Variants in SORBS2 observed in about 807,000 individuals in gnomAD.
SORBS2 encodes sorbin and SH3 domain-containing protein 2.
In SORBS2, 46 loss-of-function variants were observed where a neutral mutation model predicts 97.7. The observed-to-expected ratio is 0.47, with a 90% CI of 0.37 to 0.60. The LOEUF (loss-of-function observed/expected upper bound fraction) is 0.60. Among genes scored for constraint, SORBS2 ranks in the 20% least tolerant of loss-of-function variants. The pLI is 0.00. For synonymous variants in SORBS2, 476 were observed against 473.4 expected, an observed-to-expected ratio of 1.01 and a Z score of -0.07; for missense variants, 1,316 against 1,282.3, an observed-to-expected ratio of 1.03 and a Z score of -0.40.
chr4:185,654,134 A>G (rs6848934), intron 1 of SORBS2, among the ~76,000 whole-genome samples: 125,376 of 152,112 alleles, frequency 0.82, 51,756 homozygotes, highest in Admixed American at 0.88. Flanking sequence ...TGACTTCGTT[A>G]TGAGTCAGCT....
intron 1 of SORBS2, among the ~76,000 whole-genome samples, chr4:185,940,688 C>T (rs1480057949): frequency 6.6e-6 from 1 of 152,250 alleles, no homozygotes; most frequent in African/African-American, 2.4e-5. Context: ...AAGCTGGCTA[C>T]ACCAACTTGT....
chr4:185,711,608 C>T (rs1015994169), intron 2 of SORBS2, among the ~76,000 whole-genome samples: 3 of 152,108 alleles, frequency 2.0e-5, no homozygotes, highest in Non-Finnish European at 4.4e-5. Context: ...CATCTTTTTG[C>T]ATTATTTTCT....
Position 185,678,600 on chromosome 4 carries a change from ATT to A in SORBS2, c.-170-55_-170-54del, listed in dbSNP as rs2097829311. 2.1e-6 allele frequency: 3 copies of A among 1,460,414 alleles called. No homozygotes were observed. The East Asian group carries it at 7.6e-5, about 37-fold the overall frequency. The allele number at this position is 1,460,414 out of a possible 1,614,324, so 90.5% of individuals were successfully genotyped here. A position where few individuals can be genotyped will look rare whatever the true frequency, so the allele number is the denominator to read the frequency against. Reference sequence around the variant, plus strand: ...CAAAAATATCTACGTTCACTTAAACATTTTTTATAAAATTTATTTTTATTTCC... The same window carrying A: ...CAAAAATATCTACGTTCACTTAAACATTTTATAAAATTTATTTTTATTTCC... On this transcript the variant is annotated intron_variant, in intron 3 of 20. Transcript: ENST00000284776.
chr4:185,689,375 A>G (rs2098044862), intron 2 of SORBS2, among the ~76,000 whole-genome samples: 1 of 152,020 alleles, frequency 6.6e-6, no homozygotes, highest in South Asian at 2.1e-4. Flanking sequence ...TCTACATTCT[A>G]TTTGCTTTCT....
rs115563944 is a variant in SORBS2 at position 185,634,543 on chromosome 4, T to C, written c.397-3945A>G. 2.7e-3 allele frequency among the ~76,000 whole-genome samples: 410 copies of C among 152,144 alleles called. 1 individual carries two copies. Among genetic ancestry groups the C allele is most frequent in the Middle Eastern group, 3.4e-3 (1 of 294 alleles). Reference sequence around the variant, plus strand: ...CTTGTGTCTTCTAATGAGTCATTTATCCACTTTCTAAAGTAATTTTCTGCT... The same window carrying C: ...CTTGTGTCTTCTAATGAGTCATTTACCCACTTTCTAAAGTAATTTTCTGCT... On this transcript the variant is annotated intron_variant, in intron 4 of 14. Transcript: ENST00000418609.
intron 8 of SORBS2, among the ~76,000 whole-genome samples, chr4:185,618,905 G>A (rs2096667380): frequency 6.6e-6 from 1 of 152,288 alleles, no homozygotes; most frequent in South Asian, 2.1e-4. Flanking sequence ...TGCCTGCAGA[G>A]GTTTGCATCC....
In SORBS2 at chr4:185,684,013, A is replaced by ACCAACCAG; in HGVS notation, c.-197-5192_-197-5191insCTGGTTGG. On this transcript the variant is annotated intron_variant, in intron 2 of 20. Transcript: ENST00000284776. The surrounding 1 kb of genome is among the most constrained non-coding windows in gnomAD (Gnocchi z 4.2). The stretch of plus-strand genomic sequence containing the variant: ...CAAACTGCAGCTAACCAACCAGCCA[A>ACCAACCAG]CCAACCAACCAACCCACCAACCAAC... Among the ~76,000 whole-genome samples the ACCAACCAG allele has an allele frequency of 6.6e-6, 1 of 151,994 alleles. No individual in the cohort carries two copies. The highest frequency in any genetic ancestry group is 2.4e-5 in the African/African-American group (1 of 41,434).
chr4:185,638,784 C>T, intron 4 of SORBS2, 93 bp downstream of exon 14: 1 of 1,242,546 alleles, frequency 8.0e-7, no homozygotes, highest in Non-Finnish European at 1.1e-6. Context: ...GAGCGGGACC[C>T]GGGGGAGTGG....
intron 1 of SORBS2, among the ~76,000 whole-genome samples, chr4:185,794,261 T>G (rs1207679709): frequency 1.3e-5 from 2 of 151,592 alleles, no homozygotes; most frequent in Middle Eastern, 3.4e-3. Context: ...AGTGGAGAGA[T>G]GGAGAAGGAG....
chr4:185,901,930 TTTAAC>T (rs1252955770), intron 1 of SORBS2, among the ~76,000 whole-genome samples: 5 of 152,348 alleles, frequency 3.3e-5, no homozygotes, highest in Non-Finnish European at 7.4e-5. Flanking sequence ...GTTAATTTAA[TTTAAC>T]TTAATTTCTG....
chr4:185,654,384 T>G (rs2097362438), intron 1 of SORBS2, among the ~76,000 whole-genome samples: 1 of 152,208 alleles, frequency 6.6e-6, no homozygotes, highest in African/African-American at 2.4e-5. Flanking sequence ...CATAGTGTTG[T>G]GCAAAAATGT....
chr4:185,825,878 C>A (rs62335730), intron 1 of SORBS2, among the ~76,000 whole-genome samples: 21,368 of 152,112 alleles, frequency 0.14, 2,043 homozygotes, highest in Middle Eastern at 0.25. Context: ...TTGATTTTCT[C>A]GGTTGCGATG....
At chr4:185,870,106 A>G (rs1472889638) in intron 1 of SORBS2, among the ~76,000 whole-genome samples, 2 of 152,248 alleles carry the variant, frequency 1.3e-5, no homozygotes, top group Non-Finnish European at 2.9e-5. Context: ...TTACACTGTT[A>G]ACACTGCATT....
chr4:185,641,300 A>G (rs1289989377), intron 4 of SORBS2, among the ~76,000 whole-genome samples: 2 of 152,174 alleles, frequency 1.3e-5, no homozygotes, highest in South Asian at 2.1e-4. Context: ...AAAACACCCA[A>G]AACAATGATA....
chr4:185,715,489 A>G (rs889527781), intron 2 of SORBS2, among the ~76,000 whole-genome samples: 3 of 152,064 alleles, frequency 2.0e-5, no homozygotes, highest in African/African-American at 7.2e-5. Context: ...ACCTAGAATA[A>G]TTAAGACTAA....
In SORBS2 at chr4:185,623,405, A is replaced by G. The variant is rs1247786390; in HGVS notation, c.1724T>C (p.Met575Thr). 2 of 1,611,616 alleles carry G rather than the reference A, an allele frequency of 1.2e-6. No homozygotes were observed. The highest frequency in any genetic ancestry group is 2.2e-5 in the East Asian group (1 of 44,862). ...GTGTCTGGCTCTTTCGTGTTTTAAC[A>G]TTGTGGTAAATCGAGTGTAGGAGGC... The change falls in exon 7 of 15, where the codon ATG becomes ACG. Residue 575 changes from methionine (M) to threonine (T), a missense_variant. Physicochemically the swap from Met to Thr is moderately conservative, Grantham distance 81. Coordinates refer to ENST00000418609, the Ensembl canonical transcript of SORBS2. This position sits in a 1 kb window ranked among gnomAD's most constrained non-coding sequence, Gnocchi z 6.4.
At chr4:185,746,110 A>G (rs1217484226) in intron 2 of SORBS2, among the ~76,000 whole-genome samples, 2 of 152,222 alleles carry the variant, frequency 1.3e-5, no homozygotes, top group Non-Finnish European at 2.9e-5. Flanking sequence ...TAAGATTTAC[A>G]GGAGACAATG....
intron 1 of SORBS2, among the ~76,000 whole-genome samples, chr4:185,789,150 T>C (rs1267605545): frequency 6.6e-6 from 1 of 152,210 alleles, no homozygotes; most frequent in Admixed American, 6.5e-5. Flanking sequence ...GTTTATACTC[T>C]TTTTTGTGAA....
intron 2 of SORBS2, among the ~76,000 whole-genome samples, chr4:185,741,933 T>A (rs550901508): frequency 1.3e-5 from 2 of 152,142 alleles, no homozygotes; most frequent in Non-Finnish European, 2.9e-5. Context: ...TGTGCTCACT[T>A]TGTCTCACCA....
Sources: gnomAD v4.1 joint callset for allele counts (sites outside exome capture counted in the v4.1 genomes callset) on GRCh38, gnomAD v4.1.1 for gene constraint, Gnocchi (gnomAD v3.1) non-coding constraint, MANE v1.5 for transcripts, NCBI Gene and HGNC (gene_info 2026-07-23, HGNC 2026-07-21) for gene names.